RDX: variants seen among roughly 807,000 people sequenced by gnomAD.
The protein encoded by RDX is radixin, also known as deafness, autosomal recessive 24.
RDX carries 32 observed loss-of-function variants against 83.7 expected under a neutral mutation model. The ratio of observed to expected loss-of-function variants is 0.38; its 90% confidence interval spans 0.29 to 0.51. The LOEUF (loss-of-function observed/expected upper bound fraction) is 0.51. Ranked by LOEUF, RDX falls within the 20% of genes least tolerant of loss-of-function variation. RDX has a pLI of 0.87. For missense variants in RDX, 600 were observed against 689.9 expected (o/e 0.87, Z 1.46); for synonymous variants, 229 against 222.7 (o/e 1.03, Z -0.25).
downstream of RDX, among the ~76,000 whole-genome samples, chr11:110,228,922 T>C (rs1864520051): frequency 6.6e-6 from 1 of 151,090 alleles, no homozygotes; most frequent in Non-Finnish European, 1.5e-5. Flanking sequence ...TAAATATTAC[T>C]ATCAACAAAA....
intron 14 of RDX, among the ~76,000 whole-genome samples, chr11:110,207,852 T>G (rs1165070953): frequency 6.6e-6 from 1 of 152,204 alleles, no homozygotes; most frequent in Non-Finnish European, 1.5e-5. Flanking sequence ...ATTTGCCCTA[T>G]TTGCTCTAAT....
chr11:110,244,585 C>T (rs980544619), intron 10 of RDX, among the ~76,000 whole-genome samples: 2 of 151,786 alleles, frequency 1.3e-5, no homozygotes, highest in African/African-American at 2.4e-5. Context: ...TGGGAGTGAC[C>T]GCTAATGGGT....
At chr11:110,182,152 T>C (rs754682921) in intron 15 of RDX, among the ~76,000 whole-genome samples, 1 of 152,032 alleles carries the variant, frequency 6.6e-6, no homozygotes, top group Non-Finnish European at 1.5e-5. Context: ...TCTCAGCGAG[T>C]GAGGACTACT....
At position 110,229,488 on chromosome 11, in the gene RDX, T is replaced by C. The variant is rs190321080; in HGVS notation, c.*2381A>G. On this transcript the variant is annotated 3_prime_UTR_variant, in exon 14 of 14. Coordinates refer to ENST00000645495, the MANE Select transcript of RDX (RefSeq NM_002906.4). ...CTTTATTGTTAACCAATGAATATTA[T>C]CCAAAATTAGAGATGTAATTGTAAC... 6.6e-6 allele frequency: 1 copy of C among 152,570 alleles called. No homozygotes were observed. The highest frequency in any genetic ancestry group is 6.5e-5 in the Admixed American group (1 of 15,282). The allele number at this position is 152,570 out of a possible 1,614,324, so 9.5% of individuals were successfully genotyped here. A position where few individuals can be genotyped will look rare whatever the true frequency, so the allele number is the denominator to read the frequency against.
chr11:110,270,616 C>T (rs1860264569), intron 3 of RDX, among the ~76,000 whole-genome samples: 2 of 152,136 alleles, frequency 1.3e-5, no homozygotes, highest in Admixed American at 6.5e-5. Context: ...CCTAATTGTA[C>T]AAACGAGAAA....
chr11:110,225,490 A>AAC (rs2134283892), downstream of RDX, among the ~76,000 whole-genome samples: 1 of 152,354 alleles, frequency 6.6e-6, no homozygotes, highest in African/African-American at 2.4e-5. Flanking sequence ...ATGGCCAATA[A>AAC]ACACATGAAA....
At chr11:110,240,726 C>A (rs1268992940) in intron 10 of RDX, among the ~76,000 whole-genome samples, 2 of 111,652 alleles carry the variant, frequency 1.8e-5, no homozygotes, top group Non-Finnish European at 3.4e-5. Flanking sequence ...GCCTGGGCGA[C>A]AGAGCAAGAC....
chr11:110,263,133 G>A (rs574244857), intron 5 of RDX, among the ~76,000 whole-genome samples: 10 of 152,070 alleles, frequency 6.6e-5, no homozygotes, highest in Admixed American at 5.9e-4. Flanking sequence ...AAATTAGCTG[G>A]GCATGGCGGC....
At chr11:110,296,005 A>C (rs1460160826) in intron 1 of RDX, among the ~76,000 whole-genome samples, 1 of 152,246 alleles carries the variant, frequency 6.6e-6, no homozygotes, top group Non-Finnish European at 1.5e-5. Flanking sequence ...AGTTCTAATA[A>C]ATGTAAAATC....
chr11:110,257,655 A>G, intron 7 of RDX, 112 bp downstream of exon 7: 1 of 1,110,530 alleles, frequency 9.0e-7, no homozygotes, highest in Non-Finnish European at 1.4e-6. Context: ...TTTTAGTTTG[A>G]AAATAGTAAG....
chr11:110,290,536 C>G (rs1861196621), intron 1 of RDX, among the ~76,000 whole-genome samples: 2 of 151,742 alleles, frequency 1.3e-5, no homozygotes, highest in African/African-American at 2.4e-5. Flanking sequence ...ACTTAACACA[C>G]TTTATGAATA....
At chr11:110,287,495 C>A (rs1365547762) in intron 1 of RDX, among the ~76,000 whole-genome samples, 1 of 152,068 alleles carries the variant, frequency 6.6e-6, no homozygotes, top group Non-Finnish European at 1.5e-5. Context: ...GGTTTAAAAC[C>A]TTTAATATAC....
At chr11:110,179,702 G>A (rs1862842449) in intron 15 of RDX, among the ~76,000 whole-genome samples, 1 of 152,004 alleles carries the variant, frequency 6.6e-6, no homozygotes, top group Non-Finnish European at 1.5e-5. Flanking sequence ...GAACCCAGAG[G>A]CAGAAGTTGC....
intron 1 of RDX, among the ~76,000 whole-genome samples, chr11:110,281,996 T>C (rs1362451037): frequency 1.4e-5 from 2 of 140,734 alleles, no homozygotes; most frequent in African/African-American, 5.3e-5. Context: ...GGCATGGTGA[T>C]GGAAGGAATG....
intron 15 of RDX, among the ~76,000 whole-genome samples, chr11:110,189,714 C>T (rs1286434909): frequency 1.3e-5 from 2 of 152,142 alleles, no homozygotes; most frequent in Admixed American, 6.5e-5. Context: ...CTCTCAAAAC[C>T]ACACAATTAC....
chr11:110,234,103 A>C (rs1234538025), intron 12 of RDX, among the ~76,000 whole-genome samples: 2 of 152,058 alleles, frequency 1.3e-5, no homozygotes, highest in Admixed American at 6.6e-5. Context: ...TCTCAAAAGT[A>C]CTCCAGTTTA....
Position 110,247,705 on chromosome 11 carries a change from T to C in RDX, c.1088A>G (p.Lys363Arg), listed in dbSNP as rs1249628120. 1.9e-6 allele frequency: 3 copies of C among 1,611,568 alleles called. No individual in the cohort carries two copies. The highest frequency in any genetic ancestry group is 2.2e-5 in the South Asian group (2 of 90,466). The change falls in exon 10 of 14, where the codon AAA becomes AGA. Residue 363 changes from lysine (K) to arginine (R), a missense_variant and splice_region_variant. Physicochemically the swap from Lys to Arg is conservative, Grantham distance 26 (BLOSUM62 2). Transcript: ENST00000645495. Reference sequence around the variant, plus strand: ...ATTTTCAAAAAAGAAACTTTTACCTTTCTGAGCTTTAATTGTCTGCTCTTC... The same window carrying C: ...ATTTTCAAAAAAGAAACTTTTACCTCTCTGAGCTTTAATTGTCTGCTCTTC... The part of the protein sequence containing the change: ...QIEEQTIKAQ[K>R]ELEEQTRKAL...
intron 3 of RDX, among the ~76,000 whole-genome samples, chr11:110,271,543 T>G (rs927712029): frequency 6.6e-6 from 1 of 152,186 alleles, no homozygotes; most frequent in South Asian, 2.1e-4. Context: ...CTTGCTTACA[T>G]TGCAATACAA....
intron 1 of RDX, among the ~76,000 whole-genome samples, chr11:110,295,504 T>C (rs1861411920): frequency 6.6e-6 from 1 of 151,704 alleles, no homozygotes; most frequent in African/African-American, 2.4e-5. Context: ...TATTTTAAAA[T>C]ATATTTTTAT....
Sources: gnomAD v4.1 joint callset for allele counts (sites outside exome capture counted in the v4.1 genomes callset) on GRCh38, gnomAD v4.1.1 for gene constraint, MANE v1.5 for transcripts, NCBI Gene and HGNC (gene_info 2026-07-23, HGNC 2026-07-21) for gene names.